Variants in TTC28 observed in about 807,000 individuals in gnomAD.
TTC28 encodes the protein tetratricopeptide repeat protein 28.
In TTC28, 61 loss-of-function variants were observed where a neutral mutation model predicts 198.0. That is an observed-to-expected ratio of 0.31 (90% CI 0.25 to 0.38). TTC28 has a LOEUF of 0.38. Ranked by LOEUF, TTC28 falls within the 10% of genes least tolerant of loss-of-function variation. The probability of loss-of-function intolerance (pLI) is 1.00; values close to 1 mark genes in which losing one functional copy is unlikely to be tolerated. For missense variants in TTC28, 2,678 were observed against 3,164.0 expected, an observed-to-expected ratio of 0.85 and a Z score of 3.69; for synonymous variants, 1,171 against 1,297.8, an observed-to-expected ratio of 0.90 and a Z score of 2.10.
Position 28,140,934 on chromosome 22 carries a change from A to AGAGGAG in TTC28, c.1441+22152_1441+22157dup, listed in dbSNP as rs57274885. Among the ~76,000 whole-genome samples the AGAGGAG allele has an allele frequency of 4.8e-3, 726 of 151,026 alleles. 3 individuals are homozygous for AGAGGAG. The highest frequency in any genetic ancestry group is 7.2e-3 in the Admixed American group (110 of 15,186). The stretch of plus-strand genomic sequence containing the variant: ...TGTAGTAACCTTTAAATGCAAAGGA[A>AGAGGAG]GAGGAGGAGGAGGAGGAGGAGGAGG... On this transcript the variant is annotated intron_variant, in intron 6 of 22. Coordinates refer to ENST00000397906, the MANE Select transcript of TTC28 (RefSeq NM_001145418.2).
intron 6 of TTC28, among the ~76,000 whole-genome samples, chr22:28,158,858 A>G (rs560182176): frequency 6.6e-6 from 1 of 152,284 alleles, no homozygotes; most frequent in African/African-American, 2.4e-5. Context: ...TCTGGGCAAA[A>G]ATTTCTTGAG....
chr22:28,073,032 T>A (rs1337603895), intron 12 of TTC28, among the ~76,000 whole-genome samples: 3 of 152,202 alleles, frequency 2.0e-5, no homozygotes, highest in Admixed American at 1.3e-4. Context: ...CATGTTATCA[T>A]AAGAGCCCAG....
chr22:28,134,312 C>A (rs1349969838), intron 6 of TTC28, among the ~76,000 whole-genome samples: 1 of 152,222 alleles, frequency 6.6e-6, no homozygotes, highest in Non-Finnish European at 1.5e-5. Flanking sequence ...CACTCCCCCT[C>A]CAAAGGAATG....
At chr22:28,620,663 G>C (rs1036619128) in intron 2 of TTC28, among the ~76,000 whole-genome samples, 3 of 152,220 alleles carry the variant, frequency 2.0e-5, no homozygotes, top group Non-Finnish European at 4.4e-5. Context: ...TCCAGTCAAA[G>C]CAAAAGCAGA....
intron 12 of TTC28, among the ~76,000 whole-genome samples, chr22:28,084,811 C>G (rs973632480): frequency 6.6e-6 from 1 of 151,968 alleles, no homozygotes; most frequent in African/African-American, 2.4e-5. Flanking sequence ...CAGAGAAGTC[C>G]TCAAAGGACC....
At position 28,320,292 on chromosome 22, in the gene TTC28, A is replaced by G. The variant is rs543465878; in HGVS notation, c.382-13649T>C. Among the ~76,000 whole-genome samples, 4 of 150,474 alleles carry G rather than the reference A, an allele frequency of 2.7e-5. No individual in the cohort carries two copies. The South Asian group carries it at 8.4e-4, about 32-fold the overall frequency. ...TTTTTTTTTTTTGGCATGACTTTAC[A>G]CATTTCCTACACTACACCCATAGAA... On this transcript the variant is annotated intron_variant, in intron 2 of 22. Coordinates refer to ENST00000397906, the MANE Select transcript of TTC28 (RefSeq NM_001145418.2).
intron 13 of TTC28, among the ~76,000 whole-genome samples, chr22:28,027,105 A>AACAC (rs1472907423): frequency 6.6e-6 from 1 of 151,826 alleles, no homozygotes; most frequent in Non-Finnish European, 1.5e-5. Context: ...ACCACACACA[A>AACAC]ACACACACAC....
At chr22:28,495,703 AT>A (rs1032425592) in intron 2 of TTC28, among the ~76,000 whole-genome samples, 3 of 152,218 alleles carry the variant, frequency 2.0e-5, no homozygotes, top group African/African-American at 7.2e-5. Flanking sequence ...GAAATAATTC[AT>A]TCAAATTGGA....
intron 5 of TTC28, among the ~76,000 whole-genome samples, chr22:28,186,565 G>A (rs1924225654): frequency 6.6e-6 from 1 of 152,156 alleles, no homozygotes; most frequent in African/African-American, 2.4e-5. Context: ...TAATACATCT[G>A]TGATGGGAGC....
At chr22:28,474,647 GACT>G (rs546007763) in intron 2 of TTC28, among the ~76,000 whole-genome samples, 33 of 152,166 alleles carry the variant, frequency 2.2e-4, no homozygotes, top group Non-Finnish European at 4.6e-4. Flanking sequence ...GCTGCAAACT[GACT>G]ACATCTAAGG....
chr22:28,400,379 T>A (rs1253070452), intron 2 of TTC28, among the ~76,000 whole-genome samples: 1 of 152,232 alleles, frequency 6.6e-6, no homozygotes, highest in African/African-American at 2.4e-5. Flanking sequence ...TACAAATACA[T>A]ATTCACCAAG....
intron 2 of TTC28, among the ~76,000 whole-genome samples, chr22:28,475,149 C>CAAAAAAAAAAA (rs386395148): frequency 1.7e-4 from 11 of 64,986 alleles, no homozygotes; most frequent in Non-Finnish European, 2.5e-4. Context: ...GACTCCATCT[C>CAAAAAAAAAAA]AAAAAAAAAA....
chr22:28,028,942 T>C (rs1360625791), intron 13 of TTC28: 1 of 470,000 alleles, frequency 2.1e-6, no homozygotes, highest in Non-Finnish European at 4.4e-6. Flanking sequence ...GTCCTACAGC[T>C]TGTGAGTGGC....
chr22:28,597,344 C>A (rs1344606603), intron 2 of TTC28, among the ~76,000 whole-genome samples: 1 of 152,164 alleles, frequency 6.6e-6, no homozygotes, highest in Non-Finnish European at 1.5e-5. Context: ...CATTTCCCCA[C>A]TTTTCCCAGT....
At chr22:28,070,253 A>G (rs745869255) in intron 12 of TTC28, among the ~76,000 whole-genome samples, 1 of 152,294 alleles carries the variant, frequency 6.6e-6, no homozygotes, top group Non-Finnish European at 1.5e-5. Context: ...TCTGCCCTCA[A>G]TGGGCCTCCA....
At chr22:28,631,739 T>C (rs982449335) in intron 1 of TTC28, among the ~76,000 whole-genome samples, 2 of 152,098 alleles carry the variant, frequency 1.3e-5, no homozygotes, top group Non-Finnish European at 2.9e-5. Context: ...TTGCCGAGGC[T>C]GGTCTCAAAC....
chr22:28,074,826 G>A (rs753683411), intron 12 of TTC28, among the ~76,000 whole-genome samples: 9 of 152,272 alleles, frequency 5.9e-5, no homozygotes, highest in South Asian at 2.1e-4. Flanking sequence ...GAGGCCAGGC[G>A]CAGTGGCTCA....
At chr22:28,349,041 T>C (rs906333876) in intron 2 of TTC28, among the ~76,000 whole-genome samples, 5 of 152,086 alleles carry the variant, frequency 3.3e-5, no homozygotes, top group African/African-American at 7.2e-5. Flanking sequence ...CTGTGTCACA[T>C]GGAAATCCTG....
intron 6 of TTC28, among the ~76,000 whole-genome samples, chr22:28,113,703 T>C (rs1291884165): frequency 1.3e-5 from 2 of 152,244 alleles, no homozygotes; most frequent in African/African-American, 4.8e-5. Flanking sequence ...GTGTCCATGA[T>C]TTGCTTTAAA....
Sources: allele counts gnomAD v4.1 joint callset (sites outside exome capture counted in the v4.1 genomes callset), GRCh38; gene constraint gnomAD v4.1.1; transcripts MANE v1.5; gene names NCBI Gene and HGNC (gene_info 2026-07-23, HGNC 2026-07-21).